The following CGNL1 variants were observed in gnomAD, a reference collection of about 807,000 sequenced individuals.
CGNL1 encodes cingulin-like protein 1.
In CGNL1, 132 loss-of-function variants were observed where a neutral mutation model predicts 141.2. That is an observed-to-expected ratio of 0.93 (90% CI 0.81 to 1.08). The LOEUF (loss-of-function observed/expected upper bound fraction) is 1.08. CGNL1 is among the 50% of genes least tolerant of loss of function. The pLI is 0.00. For missense variants in CGNL1, 1,870 were observed against 1,588.6 expected, an observed-to-expected ratio of 1.18 and a Z score of -3.01; for synonymous variants, 690 against 622.1, an observed-to-expected ratio of 1.11 and a Z score of -1.63.
intron 13 of CGNL1, 84 bp downstream of exon 13, chr15:57,528,899 T>C (rs1421940680): frequency 2.3e-5 from 34 of 1,447,218 alleles, no homozygotes; most frequent in Non-Finnish European, 3.1e-5. Context: ...TGCTCTCAGC[T>C]CAGCCTTTGG....
chr15:57,453,832 T>C lies in CGNL1; in HGVS notation c.2190+14T>C, dbSNP rs773707366. ...GCTCTGATTGAGGTAAGCAGGGCTGTGGGGTCAGGTGATAAGACAGGCCCC... is the reference window on the plus strand; with the variant it reads ...GCTCTGATTGAGGTAAGCAGGGCTGCGGGGTCAGGTGATAAGACAGGCCCC... On this transcript the variant is annotated intron_variant, in intron 7 of 18. Coordinates refer to ENST00000281282, the MANE Select transcript of CGNL1 (RefSeq NM_032866.5). The C allele has an allele frequency of 1.9e-6, 3 of 1,612,214 alleles. No homozygotes were observed. The highest frequency in any genetic ancestry group is 2.5e-6 in the Non-Finnish European group (3 of 1,179,652).
At chr15:57,433,060 A>C (rs575043893) in intron 1 of CGNL1, among the ~76,000 whole-genome samples, 14 of 150,500 alleles carry the variant, frequency 9.3e-5, no homozygotes, top group African/African-American at 3.5e-4. Flanking sequence ...TTTTTCTTAC[A>C]ACACTTATTG....
chr15:57,409,208 G>T (rs1004290479), intron 1 of CGNL1, among the ~76,000 whole-genome samples: 6 of 152,198 alleles, frequency 3.9e-5, no homozygotes, highest in Non-Finnish European at 5.9e-5. Context: ...GCAAGGTAAG[G>T]CCTGGGGAAA....
chr15:57,444,212 G>A (rs2063224865), intron 4 of CGNL1, among the ~76,000 whole-genome samples: 1 of 151,924 alleles, frequency 6.6e-6, no homozygotes, highest in Non-Finnish European at 1.5e-5. Context: ...ATTCTTGTGT[G>A]TGTAGCTGCA....
In CGNL1 at chr15:57,453,964, G is replaced by A. The variant is rs141005533; in HGVS notation, c.2190+146G>A. The A allele has an allele frequency of 1.0e-3, 823 of 820,196 alleles. 18 individuals carry two copies. The East Asian group carries it at 0.019, about 19-fold the overall frequency. The allele number at this position is 820,196 out of a possible 1,614,324, so 50.8% of individuals were successfully genotyped here. A position where few individuals can be genotyped will look rare whatever the true frequency, so the allele number is the denominator to read the frequency against. ...TTATGATCTGTGAGTCAGTGGATGC[G>A]CTTGATTCTCTCCTCTCAGCTTGGC... On this transcript the variant is annotated intron_variant, in intron 7 of 18. Transcript: ENST00000281282.
At chr15:57,409,235 A>G (rs1200632482) in intron 1 of CGNL1, among the ~76,000 whole-genome samples, 1 of 152,254 alleles carries the variant, frequency 6.6e-6, no homozygotes, top group Non-Finnish European at 1.5e-5. Context: ...TGGCAAGCTC[A>G]GGAAGCAGAG....
intron 13 of CGNL1, 45 bp from the exon 14 acceptor site, chr15:57,531,645 G>C (rs377697929): frequency 1.6e-6 from 2 of 1,264,750 alleles, no homozygotes; most frequent in South Asian, 2.4e-5. Flanking sequence ...TGTTAATCCC[G>C]GTCAGTGCAA....
At chr15:57,421,853 T>C (rs1471405327) in intron 1 of CGNL1, among the ~76,000 whole-genome samples, 2 of 152,076 alleles carry the variant, frequency 1.3e-5, no homozygotes, top group African/African-American at 4.8e-5. Context: ...AGATCATGAA[T>C]ATGGATGTGA....
intron 10 of CGNL1, among the ~76,000 whole-genome samples, chr15:57,522,465 C>T (rs1382372837): frequency 1.3e-5 from 2 of 152,216 alleles, no homozygotes; most frequent in African/African-American, 4.8e-5. Flanking sequence ...TGTGCAGTCA[C>T]TGCAGGGACA....
At chr15:57,404,338 T>G (rs1459044355) in intron 1 of CGNL1, among the ~76,000 whole-genome samples, 1 of 152,242 alleles carries the variant, frequency 6.6e-6, no homozygotes, top group Non-Finnish European at 1.5e-5. Flanking sequence ...CATGGATTTA[T>G]GAACGCTCAG....
chr15:57,403,195 T>C (rs1176352762), intron 1 of CGNL1, among the ~76,000 whole-genome samples: 5 of 152,118 alleles, frequency 3.3e-5, no homozygotes, highest in Non-Finnish European at 7.4e-5. Flanking sequence ...TCCATGGTGG[T>C]CTTGGCCAGA....
chr15:57,498,528 T>A (rs2063976953), intron 8 of CGNL1, among the ~76,000 whole-genome samples: 1 of 151,134 alleles, frequency 6.6e-6, no homozygotes, highest in African/African-American at 2.4e-5. Context: ...TTATTTGTTT[T>A]TTGTTTGTTT....
chr15:57,488,659 A>T (rs920807663), intron 8 of CGNL1, among the ~76,000 whole-genome samples: 9 of 152,194 alleles, frequency 5.9e-5, no homozygotes, highest in Admixed American at 3.3e-4. Context: ...AGTTGACGGG[A>T]TCCTTTACAT....
chr15:57,541,463 T>TAA (rs2032559629), intron 14 of CGNL1, among the ~76,000 whole-genome samples: 1 of 152,220 alleles, frequency 6.6e-6, no homozygotes, highest in African/African-American at 2.4e-5. Flanking sequence ...GGGGTAACAG[T>TAA]AACAGCAATT....
At chr15:57,421,015 T>G (rs1194788666) in intron 1 of CGNL1, among the ~76,000 whole-genome samples, 1 of 152,204 alleles carries the variant, frequency 6.6e-6, no homozygotes, top group Non-Finnish European at 1.5e-5. Context: ...TATTTGAAGA[T>G]GGGATCTTTG....
At chr15:57,508,525 T>TA (rs1400214415) in intron 8 of CGNL1, among the ~76,000 whole-genome samples, 3 of 152,258 alleles carry the variant, frequency 2.0e-5, no homozygotes, top group Admixed American at 6.5e-5. Flanking sequence ...TGATTATACC[T>TA]TCTTTAAGGA....
intron 6 of CGNL1, among the ~76,000 whole-genome samples, chr15:57,452,979 A>G (rs2063339279): frequency 6.6e-6 from 1 of 152,236 alleles, no homozygotes; most frequent in East Asian, 1.9e-4. Context: ...GTTTAAAACA[A>G]TCATAGATGC....
chr15:57,382,976 A>G (rs2062439883), intron 1 of CGNL1, among the ~76,000 whole-genome samples: 1 of 151,622 alleles, frequency 6.6e-6, no homozygotes, highest in Non-Finnish European at 1.5e-5. Context: ...ATATCCTTGA[A>G]CTCTTTTGTA....
At chr15:57,543,824 AC>A in intron 15 of CGNL1, 45 bp downstream of exon 15, 1 of 1,418,540 alleles carries the variant, frequency 7.0e-7, no homozygotes, top group Non-Finnish European at 9.9e-7. Context: ...CCATCCGCTA[AC>A]CCTCCCCCAC....
Sources: gnomAD v4.1 joint callset for allele counts (sites outside exome capture counted in the v4.1 genomes callset) on GRCh38, gnomAD v4.1.1 for gene constraint, MANE v1.5 for transcripts, NCBI Gene and HGNC (gene_info 2026-07-23, HGNC 2026-07-21) for gene names.